MEGF11: variants seen among roughly 807,000 people sequenced by gnomAD.
The protein encoded by MEGF11 is multiple EGF like domains 11.
A neutral mutation model predicts 146.6 loss-of-function variants in MEGF11; 126 were observed. The ratio of observed to expected loss-of-function variants is 0.86; its 90% CI spans 0.74 to 1.00. The LOEUF is 1.00. Ranked by LOEUF, MEGF11 falls within the 50% of genes least tolerant of loss-of-function variation. MEGF11 has a pLI of 0.00. For missense variants in MEGF11, 1,509 were observed against 1,521.2 expected, an observed-to-expected ratio of 0.99 and a Z score of 0.13; for synonymous variants, 532 against 583.4, an observed-to-expected ratio of 0.91 and a Z score of 1.27.
intron 2 of MEGF11, among the ~76,000 whole-genome samples, chr15:66,127,431 T>G (rs2088410933): frequency 6.6e-6 from 1 of 152,178 alleles, no homozygotes. Flanking sequence ...TGAGGTGCCT[T>G]TCCCTGCCCT....
intron 5 of MEGF11, among the ~76,000 whole-genome samples, chr15:66,037,861 T>C (rs928454493): frequency 1.3e-5 from 2 of 152,198 alleles, no homozygotes; most frequent in Non-Finnish European, 2.9e-5. Context: ...CTGCCACTTC[T>C]TCTCTGGAAG....
intron 10 of MEGF11, among the ~76,000 whole-genome samples, chr15:65,940,040 GA>G (rs1361350595): frequency 3.9e-5 from 6 of 152,178 alleles, no homozygotes; most frequent in Non-Finnish European, 8.8e-5. Context: ...GAGGTCAGGG[GA>G]TACACAGGGA....
chr15:66,252,673 G>T (rs1353836259), intron 1 of MEGF11, among the ~76,000 whole-genome samples: 4 of 152,222 alleles, frequency 2.6e-5, no homozygotes, highest in Admixed American at 1.3e-4. Context: ...GGACCTTGAC[G>T]CCCTCGAGGA....
At chr15:65,960,745 A>C (rs1027840332) in intron 9 of MEGF11, among the ~76,000 whole-genome samples, 3 of 152,188 alleles carry the variant, frequency 2.0e-5, no homozygotes, top group Non-Finnish European at 4.4e-5. Flanking sequence ...GAGCTCATCC[A>C]TTACACGCTC....
intron 1 of MEGF11, among the ~76,000 whole-genome samples, chr15:66,158,482 G>A (rs1265273013): frequency 6.6e-6 from 1 of 152,252 alleles, no homozygotes; most frequent in African/African-American, 2.4e-5. Context: ...GGTGGTGCCA[G>A]GTCCCAGAAA....
chr15:65,941,806 C>T (rs950001116), intron 10 of MEGF11, among the ~76,000 whole-genome samples: 14 of 152,206 alleles, frequency 9.2e-5, no homozygotes, highest in African/African-American at 3.4e-4. Flanking sequence ...ATGGCCAGCC[C>T]CAGGAGGGAG....
chr15:65,905,101 C>T (rs1000084331), intron 24 of MEGF11, among the ~76,000 whole-genome samples: 10 of 152,190 alleles, frequency 6.6e-5, no homozygotes, highest in African/African-American at 2.4e-4. Context: ...CCATGTTGGC[C>T]AGGCTGGTCT....
chr15:66,133,178 T>C (rs1328539862), intron 1 of MEGF11, among the ~76,000 whole-genome samples: 1 of 152,006 alleles, frequency 6.6e-6, no homozygotes, highest in Non-Finnish European at 1.5e-5. Flanking sequence ...TACTGTACAG[T>C]GGGCACCCAG....
At chr15:66,038,675 C>A (rs1012328183) in intron 5 of MEGF11, among the ~76,000 whole-genome samples, 3 of 152,182 alleles carry the variant, frequency 2.0e-5, no homozygotes, top group Admixed American at 6.5e-5. Flanking sequence ...CAACTACTAG[C>A]AGCCCAAGGT....
rs749327603 is a variant in MEGF11, at chr15:65,916,967, G to A, written c.2087-11C>T. 24 of 1,496,502 alleles carry A rather than the reference G, an allele frequency of 1.6e-5. No homozygotes were observed. Among genetic ancestry groups the A allele is most frequent in the African/African-American group, 2.8e-5 (2 of 71,492 alleles). 92.7% of individuals were successfully genotyped at this position (1,496,502 alleles called of 1,614,324 possible). A position where few individuals can be genotyped will look rare whatever the true frequency, so the allele number is the denominator to read the frequency against. On this transcript the variant is annotated splice_polypyrimidine_tract_variant and intron_variant, in intron 16 of 25. Coordinates refer to ENST00000395614, the MANE Select transcript of MEGF11 (RefSeq NM_001385028.1). ...ACCCGGGTGGGCAAGCTGGGATGTC[G>A]GTGAAATGCAGAGGGTGAGGGGAAG...
chr15:66,101,040 C>T (rs1052596317), intron 4 of MEGF11, among the ~76,000 whole-genome samples: 4 of 150,264 alleles, frequency 2.7e-5, no homozygotes, highest in African/African-American at 9.8e-5. Flanking sequence ...GGTGAGCAGG[C>T]GGGTGAGTGA....
intron 1 of MEGF11, among the ~76,000 whole-genome samples, chr15:66,198,173 T>C (rs1264955583): frequency 2.0e-5 from 3 of 152,220 alleles, no homozygotes; most frequent in Non-Finnish European, 4.4e-5. Flanking sequence ...CCATGTGAAC[T>C]TGACAGTCTC....
At chr15:66,028,814 A>G (rs1196687006) in intron 5 of MEGF11, among the ~76,000 whole-genome samples, 4 of 152,248 alleles carry the variant, frequency 2.6e-5, no homozygotes, top group South Asian at 2.1e-4. Context: ...GTATAACTAC[A>G]TAATCAAAAT....
chr15:66,028,562 T>A (rs2083414200), intron 5 of MEGF11, among the ~76,000 whole-genome samples: 1 of 152,180 alleles, frequency 6.6e-6, no homozygotes, highest in Non-Finnish European at 1.5e-5. Context: ...CCAATGGAAA[T>A]CATTCAAAAG....
chr15:65,953,419 C>T (rs1051589141), intron 10 of MEGF11, among the ~76,000 whole-genome samples: 2 of 152,146 alleles, frequency 1.3e-5, no homozygotes, highest in Non-Finnish European at 2.9e-5. Context: ...TCAGTGTCTC[C>T]CACCACCGCT....
chr15:66,158,105 T>C (rs1046593218), intron 1 of MEGF11, among the ~76,000 whole-genome samples: 1 of 152,202 alleles, frequency 6.6e-6, no homozygotes, highest in African/African-American at 2.4e-5. Flanking sequence ...TGAAAATGTA[T>C]GTGGCTGCAG....
chr15:65,960,387 T>G (rs2141518299), intron 9 of MEGF11, among the ~76,000 whole-genome samples: 1 of 152,362 alleles, frequency 6.6e-6, no homozygotes, highest in South Asian at 2.1e-4. Flanking sequence ...GAAAAATTCC[T>G]CTCTGAGCCC....
chr15:66,097,024 T>A (rs2086583444), intron 4 of MEGF11, among the ~76,000 whole-genome samples: 1 of 152,206 alleles, frequency 6.6e-6, no homozygotes, highest in Admixed American at 6.5e-5. Flanking sequence ...GGTCAGTTTC[T>A]GTGCTACTCA....
chr15:66,122,500 A>C (rs1334879727), intron 3 of MEGF11, among the ~76,000 whole-genome samples: 1 of 152,222 alleles, frequency 6.6e-6, no homozygotes, highest in Non-Finnish European at 1.5e-5. Flanking sequence ...TTATCCTCAA[A>C]GAGGAACTGG....
Sources: allele counts gnomAD v4.1 joint callset (sites outside exome capture counted in the v4.1 genomes callset), GRCh38; gene constraint gnomAD v4.1.1; transcripts MANE v1.5; gene names NCBI Gene and HGNC (gene_info 2026-07-23, HGNC 2026-07-21).